Variants in MPP4 observed in about 807,000 individuals in gnomAD.
MPP4 encodes MAGUK p55 subfamily member 4.
In MPP4, 91 loss-of-function variants were observed where a neutral mutation model predicts 98.3. The ratio of observed to expected loss-of-function variants is 0.93; its 90% CI spans 0.78 to 1.10. The LOEUF (loss-of-function observed/expected upper bound fraction) is 1.10. Among genes scored for constraint, MPP4 ranks in the 50% least tolerant of loss-of-function variants. MPP4 has a pLI of 0.00. For synonymous variants in MPP4, 261 were observed against 271.8 expected, an observed-to-expected ratio of 0.96 and a Z score of 0.39; for missense variants, 744 against 792.9, an observed-to-expected ratio of 0.94 and a Z score of 0.74.
At chr2:201,684,386 G>A (rs1273473316) in intron 7 of MPP4, among the ~76,000 whole-genome samples, 4 of 152,172 alleles carry the variant, frequency 2.6e-5, no homozygotes, top group African/African-American at 9.7e-5. Flanking sequence ...GAGCTAAGCA[G>A]CTTGAATCCT....
At chr2:201,679,145 C>T (rs1447163374) in intron 10 of MPP4, among the ~76,000 whole-genome samples, 3 of 152,068 alleles carry the variant, frequency 2.0e-5, no homozygotes, top group African/African-American at 7.3e-5. Context: ...ATTGATCTTA[C>T]TTCCTTCTCA....
chr2:201,689,841 G>A (rs184899528), intron 4 of MPP4, among the ~76,000 whole-genome samples: 12 of 152,262 alleles, frequency 7.9e-5, no homozygotes, highest in African/African-American at 2.6e-4. Flanking sequence ...AGATGGAGAG[G>A]AGGCGGTTGG....
chr2:201,679,110 T>C (rs895325359), intron 10 of MPP4, among the ~76,000 whole-genome samples: 1 of 152,104 alleles, frequency 6.6e-6, no homozygotes, highest in Non-Finnish European at 1.5e-5. Flanking sequence ...CAATACACCG[T>C]TGACCTCATA....
In MPP4 at chr2:201,692,951, A is replaced by G; in HGVS notation, c.158T>C (p.Leu53Ser). Reference sequence around the variant, plus strand: ...CCACGGCGAGTGGAGGAGATCGTACAAGAGACACACTCCATTCACATCTCT... The same window carrying G: ...CCACGGCGAGTGGAGGAGATCGTACGAGAGACACACTCCATTCACATCTCT... ...YGRDVNGVCL[L>S]YDLLHSPWLQ... Residue 53 changes from leucine to serine, a missense_variant, in exon 3 of 22, where the codon TTG (leucine) becomes TCG (serine). Leu to Ser is a moderately radical substitution (Grantham distance 145). Coordinates refer to ENST00000409474, the MANE Select transcript of MPP4 (RefSeq NM_033066.3). 1 of 1,612,580 alleles carries G rather than the reference A, an allele frequency of 6.2e-7. No individual in the cohort carries two copies. The highest frequency in any genetic ancestry group is 1.1e-5 in the South Asian group (1 of 90,652).
At chr2:201,661,596 C>T (rs1024975761) in intron 14 of MPP4, 2 of 455,976 alleles carry the variant, frequency 4.4e-6, no homozygotes, top group African/African-American at 4.0e-5. Context: ...GCTGACTCCC[C>T]CAAGGAACAA....
At chr2:201,662,744 A>G (rs10931967) in intron 14 of MPP4, among the ~76,000 whole-genome samples, 59,135 of 151,942 alleles carry the variant, frequency 0.39, 13,857 homozygotes, top group Non-Finnish European at 0.52. Flanking sequence ...ATTTATTTGT[A>G]TGTGATAAGA....
Position 201,647,795 on chromosome 2 carries a change from T to G in MPP4, c.1615A>C (p.Lys539Gln). 6.2e-7 allele frequency: 1 copy of G among 1,613,806 alleles called. No individual in the cohort carries two copies. ...GGCTTTATAAATATGACATAGGGCT[T>G]CAGTTCATGGGTTCGAACCCCTTGA... Reference protein sequence around the residue: ...DIQGVRTHELKPYVIFIKPSN... With the variant: ...DIQGVRTHELQPYVIFIKPSN... Residue 539 changes from lysine (K) to glutamine (Q), a missense_variant, in exon 21 of 22, where the codon AAG becomes CAG. Coordinates refer to ENST00000409474, the MANE Select transcript of MPP4 (RefSeq NM_033066.3).
intron 7 of MPP4, among the ~76,000 whole-genome samples, chr2:201,684,766 CG>C (rs1295093365): frequency 1.3e-5 from 2 of 151,628 alleles, no homozygotes; most frequent in Non-Finnish European, 2.9e-5. Flanking sequence ...CTGGCTAACA[CG>C]GTGAAACCCC....
chr2:201,659,119 C>T (rs1156468770), intron 15 of MPP4, among the ~76,000 whole-genome samples: 1 of 152,178 alleles, frequency 6.6e-6, no homozygotes, highest in African/African-American at 2.4e-5. Context: ...TGGTCTTGAA[C>T]TCCTGACCTC....
intron 14 of MPP4, 84 bp from the exon 15 acceptor site, chr2:201,660,430 T>A: frequency 6.8e-7 from 1 of 1,478,878 alleles, no homozygotes; most frequent in Non-Finnish European, 9.5e-7. Context: ...TCAAGGCAAA[T>A]GACATAAGCA....
At chr2:201,676,187 A>T (rs1334007466) in intron 10 of MPP4, among the ~76,000 whole-genome samples, 1 of 152,196 alleles carries the variant, frequency 6.6e-6, no homozygotes, top group Non-Finnish European at 1.5e-5. Context: ...GGGCATCTAC[A>T]TGTTTAAATC....
At chr2:201,692,019 G>A (rs992700278) in intron 3 of MPP4, among the ~76,000 whole-genome samples, 1 of 152,134 alleles carries the variant, frequency 6.6e-6, no homozygotes, top group Non-Finnish European at 1.5e-5. Flanking sequence ...ATTCCAGGGG[G>A]CCTCTGGAAG....
At chr2:201,697,841 G>A (rs1257983487) in intron 1 of MPP4, 9 of 754,712 alleles carry the variant, frequency 1.2e-5, no homozygotes, top group Non-Finnish European at 1.3e-5. Flanking sequence ...ATTCAGTAGA[G>A]TTAACATGTA....
chr2:201,691,806 AT>A (rs1343063430), intron 3 of MPP4, among the ~76,000 whole-genome samples: 1 of 152,398 alleles, frequency 6.6e-6, no homozygotes, highest in East Asian at 1.9e-4. Context: ...GGCATGAACC[AT>A]CACACTGGGC....
intron 14 of MPP4, among the ~76,000 whole-genome samples, chr2:201,663,801 G>A (rs1688090357): frequency 6.6e-6 from 1 of 152,138 alleles, no homozygotes. Flanking sequence ...AGGATCACTT[G>A]AGCTCAGGAA....
At chr2:201,682,631 G>C (rs1252183149) in intron 8 of MPP4, among the ~76,000 whole-genome samples, 200 bp downstream of exon 8, 1 of 152,132 alleles carries the variant, frequency 6.6e-6, no homozygotes, top group Non-Finnish European at 1.5e-5. Context: ...TCCCAGCCAG[G>C]ACCAGAACTT....
intron 5 of MPP4, 47 bp downstream of exon 5, chr2:201,687,244 T>A (rs1265723391): frequency 6.9e-7 from 1 of 1,453,820 alleles, no homozygotes; most frequent in Non-Finnish European, 9.4e-7. Flanking sequence ...CCCAACTTTG[T>A]CTATGTGCCA....
At chr2:201,675,185 G>A (rs1252542798) in intron 11 of MPP4, 22 bp downstream of exon 11, 1 of 1,596,090 alleles carries the variant, frequency 6.3e-7, no homozygotes, top group Non-Finnish European at 8.5e-7. Context: ...GGAAGAACCT[G>A]TCGGGCAGTT....
intron 15 of MPP4, among the ~76,000 whole-genome samples, 188 bp from the exon 16 acceptor site, chr2:201,658,706 T>C (rs1687927777): frequency 6.6e-6 from 1 of 152,162 alleles, no homozygotes; most frequent in African/African-American, 2.4e-5. Flanking sequence ...CACAACAAAC[T>C]ATAGGGACGC....
Sources: gnomAD v4.1 joint callset for allele counts (sites outside exome capture counted in the v4.1 genomes callset) on GRCh38, gnomAD v4.1.1 for gene constraint, MANE v1.5 for transcripts, NCBI Gene and HGNC (gene_info 2026-07-23, HGNC 2026-07-21) for gene names.